The following KIF26B variants were observed in gnomAD, a reference collection of about 807,000 sequenced individuals.
KIF26B encodes kinesin family member 26B, also known as kinesin-like protein KIF26B.
KIF26B carries 63 observed loss-of-function variants against 151.2 expected under a neutral mutation model. The ratio of observed to expected loss-of-function variants is 0.42; its 90% CI spans 0.34 to 0.51. The LOEUF (loss-of-function observed/expected upper bound fraction) is 0.51. KIF26B is among the 20% of genes least tolerant of loss of function. KIF26B has a pLI of 0.07. For synonymous variants in KIF26B, 1,357 were observed against 1,262.1 expected (o/e 1.08, Z -1.59); for missense variants, 2,813 against 2,913.6 (o/e 0.97, Z 0.79).
chr1:245,431,452 C>T (rs971065118), intron 4 of KIF26B, among the ~76,000 whole-genome samples: 4 of 151,932 alleles, frequency 2.6e-5, no homozygotes, highest in Admixed American at 6.6e-5. Flanking sequence ...TCAGGCGATT[C>T]TCCTGCCTCA....
chr1:245,348,566 C>T (rs1207585375), intron 2 of KIF26B, among the ~76,000 whole-genome samples: 1 of 152,206 alleles, frequency 6.6e-6, no homozygotes, highest in Non-Finnish European at 1.5e-5. Flanking sequence ...AGGAAGCTCT[C>T]TGGGTCCCCT....
At chr1:245,374,961 AG>A in intron 3 of KIF26B, among the ~76,000 whole-genome samples, 1 of 152,308 alleles carries the variant, frequency 6.6e-6, no homozygotes, top group South Asian at 2.1e-4. Context: ...TAGACTGAAT[AG>A]GGGCCCCCCA....
At chr1:245,537,415 G>A (rs144708539) in intron 4 of KIF26B, among the ~76,000 whole-genome samples, 22 of 152,346 alleles carry the variant, frequency 1.4e-4, no homozygotes, top group Non-Finnish European at 2.5e-4. Flanking sequence ...GAGTGATATG[G>A]AGAGCCAAAG....
At position 245,552,361 on chromosome 1, in the gene KIF26B, G is replaced by A. The variant is rs142901174; in HGVS notation, c.1350+11411G>A. Among the ~76,000 whole-genome samples the A allele has an allele frequency of 2.0e-5, 3 of 152,120 alleles. No homozygotes were observed. The East Asian group carries it at 5.8e-4, about 29-fold the overall frequency. On this transcript the variant is annotated intron_variant, in intron 5 of 14. Coordinates refer to ENST00000407071, the MANE Select transcript of KIF26B (RefSeq NM_018012.4). ...TCAGGCCTTCAACTGGTTGGATGGA[G>A]CCCACCACATTATGGAAGGTCGTCT...
intron 10 of KIF26B, among the ~76,000 whole-genome samples, chr1:245,666,672 A>T (rs1216537359): frequency 6.6e-6 from 1 of 152,130 alleles, no homozygotes; most frequent in Non-Finnish European, 1.5e-5. Flanking sequence ...GCAAGCAGAG[A>T]TGACGCTTGT....
intron 10 of KIF26B, among the ~76,000 whole-genome samples, chr1:245,648,167 G>T (rs2043973546): frequency 6.6e-6 from 1 of 152,190 alleles, no homozygotes; most frequent in Non-Finnish European, 1.5e-5. Context: ...GGAGGTCATT[G>T]ATTACATATC....
intron 2 of KIF26B, among the ~76,000 whole-genome samples, chr1:245,192,438 G>T (rs530067895): frequency 4.3e-4 from 65 of 151,952 alleles, no homozygotes; most frequent in African/African-American, 1.5e-3. Flanking sequence ...TCCTAAAAGG[G>T]CATACATTAC....
At chr1:245,237,369 A>G (rs1245602606) in intron 2 of KIF26B, among the ~76,000 whole-genome samples, 2 of 152,082 alleles carry the variant, frequency 1.3e-5, no homozygotes, top group African/African-American at 4.8e-5. Flanking sequence ...CCTGCCACCC[A>G]TTTCAAGGCA....
intron 4 of KIF26B, among the ~76,000 whole-genome samples, chr1:245,535,945 G>A (rs1272327107): frequency 3.3e-5 from 5 of 152,142 alleles, no homozygotes; most frequent in Non-Finnish European, 7.4e-5. Context: ...TGGAAACTGA[G>A]GCTTGATAAT....
At chr1:245,168,239 A>G (rs913706712) in intron 2 of KIF26B, among the ~76,000 whole-genome samples, 4 of 152,148 alleles carry the variant, frequency 2.6e-5, no homozygotes. Flanking sequence ...GTGGGCTGCC[A>G]TGTTTGTGGG....
At chr1:245,212,016 C>T (rs1264658792) in intron 2 of KIF26B, among the ~76,000 whole-genome samples, 3 of 152,132 alleles carry the variant, frequency 2.0e-5, no homozygotes, top group East Asian at 1.9e-4. Flanking sequence ...TCCAGCATGG[C>T]GGTTTGGAGT....
chr1:245,333,422 G>A (rs1672153176), intron 2 of KIF26B, among the ~76,000 whole-genome samples: 1 of 152,210 alleles, frequency 6.6e-6, no homozygotes, highest in South Asian at 2.1e-4. Flanking sequence ...ACCAGACGAA[G>A]TAGAGTGGTG....
chr1:245,640,139 C>CTA (rs1296449604), intron 9 of KIF26B, among the ~76,000 whole-genome samples: 391 of 30,086 alleles, frequency 0.013, 22 homozygotes, highest in South Asian at 0.023. Context: ...CTCTCTCTCT[C>CTA]TCTCTATATA....
intron 3 of KIF26B, among the ~76,000 whole-genome samples, chr1:245,418,751 T>A (rs1294453915): frequency 2.0e-5 from 3 of 152,340 alleles, no homozygotes; most frequent in Non-Finnish European, 2.9e-5. Flanking sequence ...TTCCAAATAC[T>A]TAGACTCTGC....
chr1:245,548,088 A>T (rs546117039), intron 5 of KIF26B, among the ~76,000 whole-genome samples: 36 of 152,274 alleles, frequency 2.4e-4, no homozygotes, highest in Admixed American at 1.3e-4. Flanking sequence ...CCAGGCACTG[A>T]TATGTGTACA....
At chr1:245,623,803 T>C (rs1423633898) in intron 9 of KIF26B, among the ~76,000 whole-genome samples, 4 of 152,228 alleles carry the variant, frequency 2.6e-5, no homozygotes, top group East Asian at 1.9e-4. Context: ...TCATTAGATA[T>C]ATGCAAATAC....
intron 10 of KIF26B, among the ~76,000 whole-genome samples, chr1:245,678,231 C>A (rs1187407664): frequency 6.6e-6 from 1 of 152,064 alleles, no homozygotes. Flanking sequence ...TCTGCAGCCG[C>A]CTCTTGGTGG....
intron 10 of KIF26B, among the ~76,000 whole-genome samples, chr1:245,679,433 G>T (rs12691524): frequency 0.53 from 72,428 of 136,128 alleles, 19,678 homozygotes; most frequent in Middle Eastern, 0.64. Context: ...AAATCTGGGG[G>T]TTTTTTGTGT....
At chr1:245,351,227 G>T (rs936189748) in intron 2 of KIF26B, among the ~76,000 whole-genome samples, 2 of 152,196 alleles carry the variant, frequency 1.3e-5, no homozygotes, top group African/African-American at 4.8e-5. Context: ...CCTCTCTCTA[G>T]AGCCAAACAA....
Sources: allele counts gnomAD v4.1 joint callset (sites outside exome capture counted in the v4.1 genomes callset), GRCh38; gene constraint gnomAD v4.1.1; transcripts MANE v1.5; gene names NCBI Gene and HGNC (gene_info 2026-07-23, HGNC 2026-07-21).